The following MIPOL1 variants were observed in gnomAD, a reference collection of about 807,000 sequenced individuals.
MIPOL1 encodes mirror-image polydactyly gene 1 protein.
A neutral mutation model predicts 60.9 loss-of-function variants in MIPOL1; 57 were observed. That is an observed-to-expected ratio of 0.94 (90% CI 0.76 to 1.17). MIPOL1 has a LOEUF of 1.17. MIPOL1 is among the 50% of genes most tolerant of loss of function. The pLI is 0.00. For missense variants in MIPOL1, 551 were observed against 511.6 expected (o/e 1.08, Z -0.74); for synonymous variants, 179 against 168.8 (o/e 1.06, Z -0.47).
intron 9 of MIPOL1, among the ~76,000 whole-genome samples, chr14:37,323,626 T>G (rs1247076993): frequency 1.3e-5 from 2 of 152,046 alleles, no homozygotes; most frequent in African/African-American, 4.8e-5. Flanking sequence ...AAAATTTACA[T>G]GCACAAATGA....
chr14:37,223,323 G>A (rs59542560), intron 1 of MIPOL1, among the ~76,000 whole-genome samples: 6,666 of 151,252 alleles, frequency 0.044, 339 homozygotes, highest in African/African-American at 0.12. Context: ...ATGAGCCACC[G>A]TGCCTGGCCT....
chr14:37,296,414 C>A (rs918245018), intron 7 of MIPOL1, among the ~76,000 whole-genome samples: 19 of 152,124 alleles, frequency 1.2e-4, no homozygotes, highest in Non-Finnish European at 2.6e-4. Flanking sequence ...CAAGAGCAAA[C>A]ACATTCAAAA....
chr14:37,277,317 G>T (rs1295017446), intron 6 of MIPOL1: 3 of 151,072 alleles, frequency 2.0e-5, no homozygotes, highest in Non-Finnish European at 4.5e-5. Context: ...TTTCATATTG[G>T]TATCAAATTT....
chr14:37,285,883 C>G (rs990054006), intron 7 of MIPOL1, among the ~76,000 whole-genome samples: 1 of 152,028 alleles, frequency 6.6e-6, no homozygotes, highest in East Asian at 1.9e-4. Context: ...TGAGCCACCG[C>G]GCCCGGCCTC....
At chr14:37,477,164 TG>T (rs1386821671) in intron 11 of MIPOL1, among the ~76,000 whole-genome samples, 1 of 152,090 alleles carries the variant, frequency 6.6e-6, no homozygotes, top group Non-Finnish European at 1.5e-5. Context: ...CCTCCCAAAG[TG>T]CTAGGATTAC....
intron 10 of MIPOL1, chr14:37,385,563 T>C (rs1272730415): frequency 6.6e-6 from 1 of 152,048 alleles, no homozygotes; most frequent in Non-Finnish European, 1.5e-5. Flanking sequence ...TTTTTTATAG[T>C]ACAGAAAAAG....
intron 10 of MIPOL1, among the ~76,000 whole-genome samples, chr14:37,412,724 T>C (rs1396203794): frequency 6.6e-6 from 1 of 152,128 alleles, no homozygotes; most frequent in Non-Finnish European, 1.5e-5. Flanking sequence ...ATTTATCTAG[T>C]TTCCTGTTAA....
intron 10 of MIPOL1, among the ~76,000 whole-genome samples, chr14:37,378,591 T>C (rs2092839330): frequency 6.7e-6 from 1 of 148,660 alleles, no homozygotes; most frequent in African/African-American, 2.5e-5. Flanking sequence ...CCCATTGTGG[T>C]GATATTAAAA....
At chr14:37,305,804 A>G (rs932155554) in intron 7 of MIPOL1, among the ~76,000 whole-genome samples, 1 of 151,822 alleles carries the variant, frequency 6.6e-6, no homozygotes, top group Non-Finnish European at 1.5e-5. Flanking sequence ...ATTTATCACT[A>G]TAATTATATC....
At chr14:37,393,404 TTGTGTG>T (rs66937049) in intron 10 of MIPOL1, among the ~76,000 whole-genome samples, 1 of 117,992 alleles carries the variant, frequency 8.5e-6, no homozygotes, top group Non-Finnish European at 1.7e-5. Context: ...TGTTTTGTTT[TTGTGTG>T]TGTGTGTGTG....
chr14:37,259,597 C>T (rs1014700982), intron 3 of MIPOL1, among the ~76,000 whole-genome samples: 27 of 151,962 alleles, frequency 1.8e-4, no homozygotes, highest in African/African-American at 6.0e-4. Flanking sequence ...TAAGAAATCA[C>T]TGTCTGTGCT....
intron 10 of MIPOL1, among the ~76,000 whole-genome samples, chr14:37,372,628 G>A (rs1296244302): frequency 6.6e-6 from 1 of 151,962 alleles, no homozygotes; most frequent in East Asian, 1.9e-4. Flanking sequence ...GGTGGTGGGT[G>A]CCTGTAATCC....
chr14:37,445,741 CA>C, intron 11 of MIPOL1, among the ~76,000 whole-genome samples: 2 of 151,904 alleles, frequency 1.3e-5, no homozygotes, highest in East Asian at 3.9e-4. Flanking sequence ...ATCAATGGAA[CA>C]GAACAGAGCC....
chr14:37,292,703 A>G (rs1471735486), intron 7 of MIPOL1, among the ~76,000 whole-genome samples: 1 of 150,832 alleles, frequency 6.6e-6, no homozygotes, highest in Non-Finnish European at 1.5e-5. Flanking sequence ...CTGGTCTCAA[A>G]CTCCTGACCT....
At chr14:37,256,837 C>G (rs996462583) in intron 3 of MIPOL1, among the ~76,000 whole-genome samples, 1 of 151,792 alleles carries the variant, frequency 6.6e-6, no homozygotes, top group Non-Finnish European at 1.5e-5. Flanking sequence ...TTTAAAAAGT[C>G]TCTGCCCCTC....
chr14:37,359,566 T>A (rs9743780), intron 9 of MIPOL1, among the ~76,000 whole-genome samples: 3 of 151,784 alleles, frequency 2.0e-5, no homozygotes, highest in Admixed American at 2.0e-4. Flanking sequence ...TTGTAAGTTG[T>A]ATTCCTAGGT....
chr14:37,510,664 G>A (rs2095321201), intron 12 of MIPOL1, among the ~76,000 whole-genome samples: 1 of 152,154 alleles, frequency 6.6e-6, no homozygotes, highest in Non-Finnish European at 1.5e-5. Context: ...GATACCTGCT[G>A]TAAAGTAAGT....
intron 10 of MIPOL1, among the ~76,000 whole-genome samples, chr14:37,397,497 G>T (rs2093396721): frequency 1.3e-5 from 2 of 152,166 alleles, no homozygotes; most frequent in African/African-American, 4.8e-5. Context: ...TTTCCAGAGA[G>T]CATCAGCTGT....
intron 6 of MIPOL1, among the ~76,000 whole-genome samples, chr14:37,280,868 A>G (rs2153404646): frequency 6.6e-6 from 1 of 152,250 alleles, no homozygotes; most frequent in Non-Finnish European, 1.5e-5. Context: ...CATGTTGGTC[A>G]GGCTAATTGT....
Sources: gnomAD v4.1 joint callset for allele counts (sites outside exome capture counted in the v4.1 genomes callset) on GRCh38, gnomAD v4.1.1 for gene constraint, MANE v1.5 for transcripts, NCBI Gene and HGNC (gene_info 2026-07-23, HGNC 2026-07-21) for gene names.